Variants in KLF8 observed in about 807,000 individuals in gnomAD.
KLF8 encodes the protein KLF transcription factor 8, also known as Krueppel-like factor 8.
A neutral mutation model predicts 18.2 loss-of-function variants in KLF8; 10 were observed. That is an observed-to-expected ratio of 0.55 (90% confidence interval 0.34 to 0.93). The LOEUF (loss-of-function observed/expected upper bound fraction) is 0.93. Among genes scored for constraint, KLF8 ranks in the 40% least tolerant of loss-of-function variants. KLF8 has a pLI of 0.02. For synonymous variants in KLF8, 109 were observed against 97.3 expected, an observed-to-expected ratio of 1.12 and a Z score of -0.71; for missense variants, 264 against 277.9, an observed-to-expected ratio of 0.95 and a Z score of 0.36.
the KLF8 span, among the ~76,000 whole-genome samples, chrX:56,102,523 G>A: frequency 9.0e-6 from 1 of 111,092 alleles, no homozygotes; most frequent in African/African-American, 3.3e-5. Context: ...ATAGGAATAG[G>A]TATGAATCTA....
Position 56,289,233 on chromosome X carries a change from CTCAAGT to C in KLF8, c.*4742_*4747del, listed in dbSNP as rs2067299050. Among the ~76,000 whole-genome samples, 1 of 111,222 alleles carries C rather than the reference CTCAAGT, an allele frequency of 9.0e-6. No homozygotes were observed. Among genetic ancestry groups the C allele is most frequent in the African/African-American group, 3.3e-5 (1 of 30,620 alleles). The stretch of plus-strand genomic sequence containing the variant: ...CCATTGGGAGCTCTTTTGGGTGATT[CTCAAGT>C]TCTTTTGACACACCCCCATCATTTT... On this transcript the variant is annotated 3_prime_UTR_variant, in exon 6 of 6. Transcript: ENST00000468660.
chrX:56,073,998 T>C, the KLF8 span, among the ~76,000 whole-genome samples: 1 of 111,930 alleles, frequency 8.9e-6, no homozygotes, highest in Non-Finnish European at 1.9e-5. Context: ...TTTGCCCACC[T>C]TGGCCTCCCA....
chrX:56,035,006 C>T, the KLF8 span, among the ~76,000 whole-genome samples: 2 of 110,266 alleles, frequency 1.8e-5, no homozygotes, highest in Non-Finnish European at 3.8e-5. Context: ...CCGCCCGCCT[C>T]GGCCTCCCAA....
the KLF8 span, among the ~76,000 whole-genome samples, chrX:56,079,403 A>C: frequency 9.0e-6 from 1 of 111,227 alleles, no homozygotes; most frequent in Non-Finnish European, 1.9e-5. Flanking sequence ...TTATGTACCC[A>C]GTAGTCATTC....
At chrX:56,088,716 A>T in the KLF8 span, among the ~76,000 whole-genome samples, 1 of 111,060 alleles carries the variant, frequency 9.0e-6, no homozygotes, top group Admixed American at 9.6e-5. Context: ...AACAGATTTG[A>T]CTCATTATTA....
the KLF8 span, among the ~76,000 whole-genome samples, chrX:56,060,417 G>T: frequency 1.8e-5 from 2 of 111,647 alleles, no homozygotes; most frequent in African/African-American, 6.5e-5. Context: ...TTTATTGAAG[G>T]CCTTTTCTGC....
the KLF8 span, among the ~76,000 whole-genome samples, chrX:55,951,521 T>G: frequency 9.3e-6 from 1 of 107,491 alleles, no homozygotes; most frequent in Non-Finnish European, 1.9e-5. Context: ...AGAAAGAGAT[T>G]GTGATAGGTC....
Position 56,289,190 on chromosome X carries a change from G to A in KLF8, c.*4696G>A, listed in dbSNP as rs1162264230. ...ATACTACTACTTTATTTTATTGCTCGAATTGTTCCAGCTTTGGCCATTGGG... is the reference window on the plus strand; with the variant it reads ...ATACTACTACTTTATTTTATTGCTCAAATTGTTCCAGCTTTGGCCATTGGG... On this transcript the variant is annotated 3_prime_UTR_variant, in exon 6 of 6. Coordinates refer to ENST00000468660, the MANE Select transcript of KLF8 (RefSeq NM_007250.5). 5.4e-5 allele frequency among the ~76,000 whole-genome samples: 6 copies of A among 111,292 alleles called. No individual in the cohort carries two copies. Among genetic ancestry groups the A allele is most frequent in the East Asian group, 2.8e-4 (1 of 3,573 alleles).
chrX:55,942,309 T>C, the KLF8 span, among the ~76,000 whole-genome samples: 1 of 109,799 alleles, frequency 9.1e-6, no homozygotes, highest in Non-Finnish European at 1.9e-5. Flanking sequence ...TAGGTGGGAA[T>C]TGATCAATGA....
the KLF8 span, among the ~76,000 whole-genome samples, chrX:56,158,454 G>A: frequency 1.8e-5 from 2 of 111,743 alleles, no homozygotes; most frequent in African/African-American, 3.3e-5. Context: ...GATGGGGATG[G>A]CATTGAATCT....
intron 2 of KLF8, among the ~76,000 whole-genome samples, chrX:56,255,051 A>T (rs1228958304): frequency 8.9e-6 from 1 of 112,493 alleles, no homozygotes; most frequent in East Asian, 2.8e-4. Flanking sequence ...CAATCCATGA[A>T]CATAGAATAT....
the KLF8 span, among the ~76,000 whole-genome samples, chrX:55,961,014 G>A: frequency 2.7e-5 from 3 of 111,409 alleles, no homozygotes; most frequent in East Asian, 8.5e-4. Context: ...AAAACAGAAA[G>A]CAAAAGAGAG....
chrX:56,027,650 T>A, the KLF8 span, among the ~76,000 whole-genome samples: 1 of 111,972 alleles, frequency 8.9e-6, no homozygotes, highest in Non-Finnish European at 1.9e-5. Context: ...ATCCTGGACA[T>A]CTTTCTCCTT....
the KLF8 span, among the ~76,000 whole-genome samples, chrX:56,205,277 T>C: frequency 6.3e-5 from 7 of 111,972 alleles, no homozygotes; most frequent in Non-Finnish European, 7.5e-5. Flanking sequence ...AATAAAGTCT[T>C]TGACCCTATT....
At chrX:56,074,714 G>A in the KLF8 span, 2 of 163,666 alleles carry the variant, frequency 1.2e-5, no homozygotes, top group South Asian at 9.9e-5. Context: ...TTTGAAATTG[G>A]GAAATATGAA....
chrX:55,916,466 G>A, the KLF8 span, among the ~76,000 whole-genome samples: 2 of 111,675 alleles, frequency 1.8e-5, no homozygotes, highest in African/African-American at 6.5e-5. Context: ...GGCCAAAATT[G>A]CCATAATAGC....
the KLF8 span, among the ~76,000 whole-genome samples, chrX:56,141,613 GT>G: frequency 9.0e-6 from 1 of 111,045 alleles, no homozygotes; most frequent in African/African-American, 3.3e-5. Flanking sequence ...TTAACACCCT[GT>G]TTTTTATCTG....
chrX:56,186,770 A>G, the KLF8 span, among the ~76,000 whole-genome samples: 1 of 112,360 alleles, frequency 8.9e-6, no homozygotes. Flanking sequence ...CTGCTCCTGA[A>G]TGACTACTGG....
At chrX:56,103,669 T>G in the KLF8 span, among the ~76,000 whole-genome samples, 9 of 111,633 alleles carry the variant, frequency 8.1e-5, no homozygotes, top group African/African-American at 2.9e-4. Flanking sequence ...AGGGACAATT[T>G]GACTTCCTCT....
Sources: allele counts gnomAD v4.1 joint callset (sites outside exome capture counted in the v4.1 genomes callset), GRCh38; gene constraint gnomAD v4.1.1; transcripts MANE v1.5; gene names NCBI Gene and HGNC (gene_info 2026-07-23, HGNC 2026-07-21).